PSD3: variants seen among roughly 807,000 people sequenced by gnomAD.
PSD3 encodes PH and SEC7 domain-containing protein 3.
PSD3 carries 49 observed loss-of-function variants against 105.5 expected under a neutral mutation model. The ratio of observed to expected loss-of-function variants is 0.46; its 90% CI spans 0.37 to 0.59. PSD3 has a LOEUF of 0.59. Ranked by LOEUF, PSD3 falls within the 20% of genes least tolerant of loss-of-function variation. PSD3 has a pLI of 0.00. For missense variants in PSD3, 1,561 were observed against 1,263.8 expected (o/e 1.24, Z -3.57); for synonymous variants, 557 against 457.8 (o/e 1.22, Z -2.77).
At chr8:18,654,903 G>A (rs888203558) in intron 10 of PSD3, among the ~76,000 whole-genome samples, 2 of 152,148 alleles carry the variant, frequency 1.3e-5, no homozygotes, top group African/African-American at 4.8e-5. Context: ...AACCTGGAAA[G>A]CCATGATCTA....
chr8:18,648,829 T>C (rs1808252669), intron 10 of PSD3, among the ~76,000 whole-genome samples: 2 of 152,232 alleles, frequency 1.3e-5, no homozygotes, highest in Admixed American at 1.3e-4. Context: ...GCTACAGCTG[T>C]GGCTAAAAGG....
chr8:18,855,821 G>C (rs1815966220), intron 4 of PSD3, among the ~76,000 whole-genome samples: 1 of 152,234 alleles, frequency 6.6e-6, no homozygotes, highest in South Asian at 2.1e-4. Context: ...ATAAAGAGGA[G>C]AGGAGTTTGC....
rs572472182 is a variant in PSD3 at position 19,034,309 on chromosome 8, A to G, written c.324+49897T>C. Among the ~76,000 whole-genome samples the G allele has an allele frequency of 9.2e-5, 14 of 152,346 alleles. No individual in the cohort carries two copies. In the South Asian group the frequency reaches 2.9e-3, roughly 32 times the overall value. On this transcript the variant is annotated intron_variant, in intron 1 of 1. Transcript: ENST00000521475. The stretch of plus-strand genomic sequence containing the variant: ...CAAGAATACAATATAGAAAAGGTTA[A>G]AGGATTAAACTAGACGTCCTTTCTC...
chr8:18,701,806 T>C (rs2129417040), intron 9 of PSD3, among the ~76,000 whole-genome samples: 1 of 152,342 alleles, frequency 6.6e-6, no homozygotes, highest in Non-Finnish European at 1.5e-5. Flanking sequence ...CCATGAGCTT[T>C]CCTGAGGGAG....
At chr8:18,790,089 G>C (rs1020684066) in intron 8 of PSD3, among the ~76,000 whole-genome samples, 1 of 152,002 alleles carries the variant, frequency 6.6e-6, no homozygotes, top group African/African-American at 2.4e-5. Flanking sequence ...AAGGGGACAG[G>C]TGAAGGAACA....
chr8:18,564,781 C>T (rs1278114368), intron 14 of PSD3, among the ~76,000 whole-genome samples: 2 of 152,114 alleles, frequency 1.3e-5, no homozygotes, highest in African/African-American at 4.8e-5. Flanking sequence ...CAGCTCCACT[C>T]ACCTGGCTCT....
intron 9 of PSD3, among the ~76,000 whole-genome samples, chr8:18,712,264 T>C (rs2129422375): frequency 6.7e-6 from 1 of 150,024 alleles, no homozygotes; most frequent in East Asian, 2.0e-4. Flanking sequence ...AGACAAGATA[T>C]GACTAAAATC....
intron 2 of PSD3, among the ~76,000 whole-genome samples, chr8:18,881,978 C>A (rs998435989): frequency 2.6e-5 from 4 of 152,204 alleles, no homozygotes; most frequent in Admixed American, 2.6e-4. Context: ...GAGCTTGAGG[C>A]AGGAGGTTCA....
At chr8:18,910,967 G>C (rs1407191317) in intron 2 of PSD3, among the ~76,000 whole-genome samples, 1 of 151,792 alleles carries the variant, frequency 6.6e-6, no homozygotes, top group African/African-American at 2.4e-5. Context: ...AGTTAGCCAG[G>C]CATGGTGGTG....
intron 9 of PSD3, among the ~76,000 whole-genome samples, chr8:18,709,861 G>A (rs1179882729): frequency 6.6e-6 from 1 of 152,078 alleles, no homozygotes; most frequent in Non-Finnish European, 1.5e-5. Flanking sequence ...AAGATCCAAG[G>A]TAAATAAGCT....
At chr8:18,836,023 T>C (rs955114778) in intron 4 of PSD3, among the ~76,000 whole-genome samples, 1 of 152,202 alleles carries the variant, frequency 6.6e-6, no homozygotes, top group African/African-American at 2.4e-5. Context: ...CCTGGATCAC[T>C]TGAATGAGAG....
chr8:18,885,407 CTG>C (rs1337327281), intron 2 of PSD3, among the ~76,000 whole-genome samples: 1 of 152,118 alleles, frequency 6.6e-6, no homozygotes, highest in East Asian at 1.9e-4. Context: ...TTAATATAAA[CTG>C]TTTCGTATAT....
At chr8:18,574,887 A>AG (rs1394454542) in intron 13 of PSD3, among the ~76,000 whole-genome samples, 1 of 152,152 alleles carries the variant, frequency 6.6e-6, no homozygotes, top group African/African-American at 2.4e-5. Context: ...TGAATTCTAG[A>AG]GATGGTAAGT....
intron 4 of PSD3, among the ~76,000 whole-genome samples, chr8:18,820,563 C>T (rs1314108898): frequency 2.0e-5 from 3 of 152,050 alleles, no homozygotes; most frequent in Non-Finnish European, 2.9e-5. Context: ...AATGTAAATG[C>T]TATGTTAATA....
intron 1 of PSD3, among the ~76,000 whole-genome samples, chr8:19,025,511 T>A (rs941219571): frequency 4.6e-5 from 7 of 152,196 alleles, no homozygotes; most frequent in Non-Finnish European, 4.4e-5. Flanking sequence ...AATTTCTTGA[T>A]GGTGAATTCC....
At chr8:18,824,049 T>C (rs1419371142) in intron 4 of PSD3, among the ~76,000 whole-genome samples, 3 of 152,092 alleles carry the variant, frequency 2.0e-5, no homozygotes, top group Non-Finnish European at 4.4e-5. Context: ...TGTACATGTC[T>C]GTGGTCCTGC....
At chr8:18,978,503 C>A (rs1407562645) in intron 1 of PSD3, among the ~76,000 whole-genome samples, 1 of 152,114 alleles carries the variant, frequency 6.6e-6, no homozygotes, top group East Asian at 1.9e-4. Flanking sequence ...AAACATGCAC[C>A]TTTCAATTTG....
At chr8:18,811,068 G>C (rs1296476979) in intron 4 of PSD3, among the ~76,000 whole-genome samples, 1 of 152,178 alleles carries the variant, frequency 6.6e-6, no homozygotes, top group Non-Finnish European at 1.5e-5. Flanking sequence ...AAATGTAAAT[G>C]AGAAGTTATT....
chr8:18,719,978 C>T (rs777473332), intron 9 of PSD3, among the ~76,000 whole-genome samples: 4 of 152,058 alleles, frequency 2.6e-5, no homozygotes, highest in Non-Finnish European at 4.4e-5. Flanking sequence ...TTTCTCATAT[C>T]GAAACCCAAA....
Sources: gnomAD v4.1 joint callset for allele counts (sites outside exome capture counted in the v4.1 genomes callset) on GRCh38, gnomAD v4.1.1 for gene constraint, MANE v1.5 for transcripts, NCBI Gene and HGNC (gene_info 2026-07-23, HGNC 2026-07-21) for gene names.